Variants in CTU1 observed in about 807,000 individuals in gnomAD.
CTU1 encodes the protein cytosolic thiouridylase subunit 1.
In CTU1, 15 loss-of-function variants were observed where a neutral mutation model predicts 12.9. The observed-to-expected ratio is 1.16, with a 90% CI of 0.78 to 1.79. The LOEUF (loss-of-function observed/expected upper bound fraction) is 1.79, where lower values mean the gene tolerates loss of function less well. Ranked by LOEUF, CTU1 falls within the 40% of genes most tolerant of loss-of-function variation. The pLI is 0.00. For missense variants in CTU1, 553 were observed against 550.5 expected, an observed-to-expected ratio of 1.00 and a Z score of -0.05; for synonymous variants, 295 against 275.6, an observed-to-expected ratio of 1.07 and a Z score of -0.70.
intron 2 of CTU1, among the ~76,000 whole-genome samples, chr19:51,103,160 C>T (rs1370562255): frequency 6.6e-6 from 1 of 152,076 alleles, no homozygotes; most frequent in Non-Finnish European, 1.5e-5. Context: ...ATTGTCATAA[C>T]AAGTTTATGA....
intron 1 of CTU1, among the ~76,000 whole-genome samples, chr19:51,106,510 TTA>T (rs2091920959): frequency 6.6e-6 from 1 of 151,822 alleles, no homozygotes; most frequent in Admixed American, 6.6e-5. Context: ...TTAATTTAAT[TTA>T]ATTTAATTTT....
chr19:51,107,124 G>A (rs547266767), intron 1 of CTU1, among the ~76,000 whole-genome samples: 3 of 152,122 alleles, frequency 2.0e-5, no homozygotes, highest in Non-Finnish European at 2.9e-5. Context: ...GGAGACGCTC[G>A]CAGGGGACAA....
At chr19:51,101,488 T>A (rs1439043430) in intron 2 of CTU1, among the ~76,000 whole-genome samples, 1 of 152,082 alleles carries the variant, frequency 6.6e-6, no homozygotes, top group African/African-American at 2.4e-5. Flanking sequence ...TTAAATAGCA[T>A]CTAGTGGGTA....
In CTU1 at chr19:51,098,438, G is replaced by T. The variant is rs2091896675; in HGVS notation, c.*163C>A. ...CGAGACCCTTCTTCCCTGAGACCTC[G>T]AAGTCTGGGGTCCCAGCTTCTTCAG... On this transcript the variant is annotated 3_prime_UTR_variant, in exon 3 of 3. Transcript: ENST00000421832. The surrounding 1 kb of genome is among the most constrained non-coding windows in gnomAD (Gnocchi z 4.3). 3.1e-6 allele frequency: 2 copies of T among 643,016 alleles called. No homozygotes were observed. Among genetic ancestry groups the T allele is most frequent in the Non-Finnish European group, 4.3e-6 (2 of 461,722 alleles). The allele number at this position is 643,016 out of a possible 1,614,324, so 39.8% of individuals were successfully genotyped here.
chr19:51,098,527 G>A lies in CTU1; in HGVS notation c.*74C>T, dbSNP rs539484680. 4.5e-5 allele frequency: 53 copies of A among 1,178,108 alleles called. No homozygotes were observed. The Middle Eastern group carries it at 2.2e-3, about 49-fold the overall frequency. The allele number at this position is 1,178,108 out of a possible 1,614,324, so 73.0% of individuals were successfully genotyped here. A position where few individuals can be genotyped will look rare whatever the true frequency, so the allele number is the denominator to read the frequency against. On this transcript the variant is annotated 3_prime_UTR_variant, in exon 3 of 3. Transcript: ENST00000421832. This position sits in a 1 kb window ranked among gnomAD's most constrained non-coding sequence, Gnocchi z 4.3. ...CACATGGAAGGCCAGGTAAGGTAAC[G>A]GGTTTATTCACAGTGTCATTTACAG...
In CTU1 at chr19:51,098,816, C is replaced by A. The variant is rs920483360; in HGVS notation, c.832G>T (p.Ala278Ser). The A allele has an allele frequency of 1.7e-5, 18 of 1,070,096 alleles. No individual in the cohort carries two copies. The highest frequency in any genetic ancestry group is 1.9e-5 in the Non-Finnish European group (17 of 884,690). The allele number at this position is 1,070,096 out of a possible 1,614,324, so 66.3% of individuals were successfully genotyped here. The change falls in exon 3 of 3, where the codon GCC (alanine) becomes TCC (serine). Residue 278 changes from alanine (A) to serine (S), a missense_variant. Ala to Ser is a moderately conservative substitution (Grantham distance 99). This residue lies in a region of CTU1 where 500 missense variants were observed against 458.5 expected (regional missense o/e 1.09). Transcript: ENST00000421832. The surrounding 1 kb of genome is among the most constrained non-coding windows in gnomAD (Gnocchi z 4.3). Reference protein sequence around the residue: ...HSAERLALAPAARPPRPGACS... With the variant: ...HSAERLALAPSARPPRPGACS... ...GCGCCGGGGCGCGGGGGCCGCGCGG[C>A]CGGGGCCAGCGCCAGGCGCTCGGCC...
chr19:51,107,436 C>G (rs1458234735), intron 1 of CTU1, among the ~76,000 whole-genome samples: 1 of 152,112 alleles, frequency 6.6e-6, no homozygotes, highest in Non-Finnish European at 1.5e-5. Flanking sequence ...TGCACTCCAG[C>G]GTGGGTGATA....
rs1184159518 is a variant in CTU1, at chr19:51,108,172, A to G, written c.-22+175T>C. On this transcript the variant is annotated intron_variant, in intron 1 of 2. Transcript: ENST00000421832. This position sits in a 1 kb window ranked among gnomAD's most constrained non-coding sequence, Gnocchi z 4.5. ...TCTTGGGGAAGGGAGTGGCCCGGTA[A>G]GAGACAGGCCGGACCGCAGCGTTCA... Among the ~76,000 whole-genome samples, 1 of 152,076 alleles carries G rather than the reference A, an allele frequency of 6.6e-6. No homozygotes were observed. The highest frequency in any genetic ancestry group is 1.5e-5 in the Non-Finnish European group (1 of 68,014).
chr19:51,107,082 C>T (rs779690073), intron 1 of CTU1, among the ~76,000 whole-genome samples: 14 of 152,166 alleles, frequency 9.2e-5, no homozygotes, highest in Non-Finnish European at 1.6e-4. Context: ...TCTACAGTCA[C>T]CCAGTCCTGG....
In CTU1 at chr19:51,099,033, GC is replaced by G. The variant is rs1167893414; in HGVS notation, c.614del (p.Gly205AlafsTer104). ...GGGLGSPGEG[G>X]ALPRCRPLQF... ...GCAGCGGGCGGCAGCGCGGCAGGGCGCCCCCCTCGCCGGGAGAGCCCAGGCC... is the reference window on the plus strand; with the variant it reads ...GCAGCGGGCGGCAGCGCGGCAGGGCGCCCCCTCGCCGGGAGAGCCCAGGCC... On this transcript the variant is annotated frameshift_variant, in exon 3 of 3. Coordinates refer to ENST00000421832, the MANE Select transcript of CTU1 (RefSeq NM_145232.4). LOFTEE classifies it high-confidence loss of function. 5.3e-6 allele frequency: 8 copies of G among 1,508,448 alleles called. No homozygotes were observed. The highest frequency in any genetic ancestry group is 2.6e-5 in the East Asian group (1 of 38,456). 93.4% of individuals were successfully genotyped at this position (1,508,448 alleles called of 1,614,324 possible).
intron 2 of CTU1, among the ~76,000 whole-genome samples, chr19:51,099,628 A>C (rs2091902578): frequency 6.6e-6 from 1 of 152,186 alleles, no homozygotes; most frequent in Admixed American, 6.5e-5. Flanking sequence ...TAGGGAGTAA[A>C]AGTGCATTAT....
At chr19:51,100,282 G>A (rs1249697633) in intron 2 of CTU1, among the ~76,000 whole-genome samples, 1 of 152,160 alleles carries the variant, frequency 6.6e-6, no homozygotes, top group Non-Finnish European at 1.5e-5. Context: ...TGATGCAAAC[G>A]GTGTAGGACT....
chr19:51,106,045 C>G lies in CTU1; in HGVS notation c.-21-1455G>C, dbSNP rs1396882348. On this transcript the variant is annotated intron_variant, in intron 1 of 2. Coordinates refer to ENST00000421832, the MANE Select transcript of CTU1 (RefSeq NM_145232.4). ...GCTCCCGCCTTGCCTCCTCTACAAA[C>G]ACTCCTTCACATAACAGCCAGTGGG... 2.0e-5 allele frequency among the ~76,000 whole-genome samples: 3 copies of G among 152,326 alleles called. No homozygotes were observed. In the East Asian group the frequency reaches 5.8e-4, roughly 29 times the overall value.
At position 51,104,352 on chromosome 19, in the gene CTU1, G is replaced by C; in HGVS notation, c.218C>G (p.Ala73Gly). The part of the protein sequence containing the change: ...DSTVLAHVLR[A>G]LAPRLGISLQ... Reference sequence around the variant, plus strand: ...TGAGATGCCCAGGCGCGGCGCCAGCGCGCGCAGCACGTGCGCCAGCACCGT... The same window carrying C: ...TGAGATGCCCAGGCGCGGCGCCAGCCCGCGCAGCACGTGCGCCAGCACCGT... The change falls in exon 2 of 3, where the codon GCG becomes GGG. Residue 73 changes from alanine to glycine, a missense_variant. By Grantham distance (60) the Ala-to-Gly change is moderately conservative (BLOSUM62 0). Around this residue, in one of 2 missense-constraint regions of CTU1, gnomAD observed 500 missense variants for 458.5 expected, o/e 1.09. Coordinates refer to ENST00000421832, the MANE Select transcript of CTU1 (RefSeq NM_145232.4). 6.9e-7 allele frequency: 1 copy of C among 1,449,816 alleles called. No homozygotes were observed. The highest frequency in any genetic ancestry group is 9.0e-7 in the Non-Finnish European group (1 of 1,106,052). The allele number at this position is 1,449,816 out of a possible 1,614,324, so 89.8% of individuals were successfully genotyped here.
chr19:51,104,477 G>T lies in CTU1; in HGVS notation c.93C>A (p.Cys31Ter). 7.6e-7 allele frequency: 1 copy of T among 1,316,788 alleles called. No homozygotes were observed. The highest frequency in any genetic ancestry group is 2.7e-4 in the Middle Eastern group (1 of 3,682). The allele number at this position is 1,316,788 out of a possible 1,614,324, so 81.6% of individuals were successfully genotyped here. Residue 31 changes from cysteine to a stop codon, truncating the protein, a stop_gained, in exon 2 of 3, where the codon TGC becomes TGA. Coordinates refer to ENST00000421832, the MANE Select transcript of CTU1 (RefSeq NM_145232.4). LOFTEE classifies it high-confidence loss of function. ...SGQALCGACF[C>*]AAFEAEVLHT... ...GCAGCACCTCGGCCTCGAAGGCGGC[G>T]CAGAAGCAGGCACCGCACAGCGCTT...
chr19:51,100,929 T>TTG (rs200966029), intron 2 of CTU1, among the ~76,000 whole-genome samples: 6,048 of 120,866 alleles, frequency 0.05, 142 homozygotes, highest in Non-Finnish European at 0.069. Flanking sequence ...TTTTGTTTTA[T>TTG]TGTGCGTGTG....
chr19:51,103,093 C>T (rs2091911053), intron 2 of CTU1, among the ~76,000 whole-genome samples: 3 of 152,136 alleles, frequency 2.0e-5, no homozygotes, highest in African/African-American at 7.2e-5. Flanking sequence ...TTATATCATA[C>T]GGGTTATGTA....
In CTU1 at chr19:51,098,871, C is replaced by A; in HGVS notation, c.777G>T (p.Arg259=). ...RDLLKRLEAA[R]PSAVLDLVHS... ...GCACGAGGTCCAGCACCGCGGACGG[C>A]CGCGCCGCCTCCAGGCGCTTGAGCA... The change falls in exon 3 of 3, where the codon CGG becomes CGT. Residue 259 remains arginine (R), a synonymous_variant. Transcript: ENST00000421832. The surrounding 1 kb of genome is among the most constrained non-coding windows in gnomAD (Gnocchi z 4.3). 7.0e-7 allele frequency: 1 copy of A among 1,427,774 alleles called. No individual in the cohort carries two copies. Among genetic ancestry groups the A allele is most frequent in the East Asian group, 3.3e-5 (1 of 30,426 alleles). 88.4% of individuals were successfully genotyped at this position (1,427,774 alleles called of 1,614,324 possible).
chr19:51,100,522 C>T (rs529705879), intron 2 of CTU1, among the ~76,000 whole-genome samples: 19 of 152,110 alleles, frequency 1.2e-4, no homozygotes, highest in Admixed American at 2.6e-4. Context: ...TCTCTTGAAC[C>T]TGGGAGGGAG....
Sources: gnomAD v4.1 joint callset for allele counts (sites outside exome capture counted in the v4.1 genomes callset) on GRCh38, gnomAD v4.1.1 for gene constraint, gnomAD v4.1.1 regional missense constraint, Gnocchi (gnomAD v3.1) non-coding constraint, MANE v1.5 for transcripts, NCBI Gene and HGNC (gene_info 2026-07-23, HGNC 2026-07-21) for gene names.